The following LETM1 variants were observed in gnomAD, a reference collection of about 807,000 sequenced individuals.
LETM1 encodes mitochondrial proton/calcium exchanger protein.
LETM1 carries 50 observed loss-of-function variants against 74.5 expected under a neutral mutation model. The observed-to-expected ratio is 0.67, with a 90% CI of 0.53 to 0.85. The LOEUF (loss-of-function observed/expected upper bound fraction) is 0.85. Ranked by LOEUF, LETM1 falls within the 40% of genes least tolerant of loss-of-function variation. The pLI is 0.00. For missense variants in LETM1, 824 were observed against 967.8 expected, an observed-to-expected ratio of 0.85 and a Z score of 1.97; for synonymous variants, 446 against 407.1, an observed-to-expected ratio of 1.10 and a Z score of -1.15.
rs560933887 is a variant in LETM1, at chr4:1,841,637, A to G, written c.304T>C (p.Cys102Arg). Residue 102 changes from cysteine (C) to arginine (R), a missense_variant, in exon 3 of 14, where the codon TGC (cysteine) becomes CGC (arginine). Transcript: ENST00000302787. ...SVGFVAVGPQ[C>R]LPVRGWHSSR... ...GAGTGCCAGCCACGCACAGGAAGGC[A>G]CTGAGGTCCCACAGCCACAAAACCC... 6.2e-7 allele frequency: 1 copy of G among 1,614,180 alleles called. No individual in the cohort carries two copies. Among genetic ancestry groups the G allele is most frequent in the Admixed American group, 1.7e-5 (1 of 60,028 alleles).
At chr4:1,822,743 C>T (rs1711828069) in intron 9 of LETM1, 2 of 392,690 alleles carry the variant, frequency 5.1e-6, no homozygotes, top group South Asian at 2.8e-4. Flanking sequence ...CTAAGCTTGC[C>T]CCTCTGAGAC....
chr4:1,822,831 G>A (rs1560481091), intron 9 of LETM1, 157 bp downstream of exon 9: 1 of 663,624 alleles, frequency 1.5e-6, no homozygotes, highest in Non-Finnish European at 2.1e-6. Context: ...CTCACACCCG[G>A]GCACCCTGCC....
chr4:1,842,867 C>T (rs1198975198), intron 2 of LETM1: 5 of 195,784 alleles, frequency 2.6e-5, no homozygotes, highest in Non-Finnish European at 2.2e-5. Context: ...GGTGCCACAC[C>T]ACCATTTACA....
intron 3 of LETM1, among the ~76,000 whole-genome samples, chr4:1,838,256 C>T (rs558224500): frequency 1.4e-4 from 21 of 151,944 alleles, no homozygotes; most frequent in African/African-American, 4.3e-4. Context: ...CCCGCCACCA[C>T]GACCGGCTAA....
intron 5 of LETM1, 59 bp from the exon 6 acceptor site, chr4:1,833,006 C>T (rs1430962218): frequency 3.0e-5 from 44 of 1,475,088 alleles, no homozygotes; most frequent in Middle Eastern, 2.4e-4. Flanking sequence ...CTCCCTCCCA[C>T]GACCAACCAC....
At chr4:1,818,152 G>A (rs1711636549) in intron 11 of LETM1, among the ~76,000 whole-genome samples, 1 of 152,134 alleles carries the variant, frequency 6.6e-6, no homozygotes. Context: ...TGGGGAAGGC[G>A]AGGGGAGGGG....
chr4:1,854,284 G>A (rs1367540541), intron 1 of LETM1, among the ~76,000 whole-genome samples: 3 of 143,224 alleles, frequency 2.1e-5, no homozygotes, highest in African/African-American at 2.6e-5. Flanking sequence ...GTTCAAGACC[G>A]GCCTGACCAA....
chr4:1,828,303 G>T (rs1303047055), intron 6 of LETM1, among the ~76,000 whole-genome samples: 1 of 128,388 alleles, frequency 7.8e-6, no homozygotes, highest in African/African-American at 3.1e-5. Flanking sequence ...CCTCCCGGAC[G>T]GGGCGGCTGG....
chr4:1,828,356 G>C (rs1712095394), intron 6 of LETM1, among the ~76,000 whole-genome samples: 1 of 122,670 alleles, frequency 8.2e-6, no homozygotes, highest in Non-Finnish European at 1.7e-5. Flanking sequence ...TCCCGGACGG[G>C]GCGGCTGGCC....
intron 1 of LETM1, among the ~76,000 whole-genome samples, chr4:1,852,391 G>A (rs989733569): frequency 2.6e-5 from 4 of 152,148 alleles, no homozygotes; most frequent in Non-Finnish European, 5.9e-5. Context: ...CTAGGTGGAC[G>A]CCAGTGGGAA....
intron 6 of LETM1, among the ~76,000 whole-genome samples, chr4:1,828,886 ACGGGGCGGCTGG>A (rs1458284311): frequency 3.1e-5 from 3 of 96,330 alleles, no homozygotes; most frequent in Non-Finnish European, 6.2e-5. Context: ...TCCCTCCCGG[ACGGGGCGGCTGG>A]CCGGGCAGAG....
intron 6 of LETM1, among the ~76,000 whole-genome samples, chr4:1,827,619 C>G (rs1368636571): frequency 7.6e-6 from 1 of 130,816 alleles, no homozygotes; most frequent in Non-Finnish European, 1.6e-5. Context: ...GGTCACAGAT[C>G]AACAGGATCC....
chr4:1,840,334 G>A (rs1313779340), intron 3 of LETM1, among the ~76,000 whole-genome samples: 4 of 151,858 alleles, frequency 2.6e-5, no homozygotes, highest in African/African-American at 9.7e-5. Flanking sequence ...CCGAGATTGT[G>A]CCACTGCACT....
At chr4:1,825,723 C>T (rs1484397681) in intron 6 of LETM1, 40 bp from the exon 7 acceptor site, 2 of 1,574,400 alleles carry the variant, frequency 1.3e-6, no homozygotes, top group Non-Finnish European at 1.7e-6. Flanking sequence ...GGGACAGTTG[C>T]TGGTGGGTGA....
intron 1 of LETM1, among the ~76,000 whole-genome samples, chr4:1,849,546 G>C (rs1359877584): frequency 6.6e-6 from 1 of 152,142 alleles, no homozygotes. Flanking sequence ...GGGATTACAG[G>C]CATGAGCCAC....
chr4:1,841,887 A>T, intron 2 of LETM1, 90 bp from the exon 3 acceptor site: 1 of 911,322 alleles, frequency 1.1e-6, no homozygotes, highest in Non-Finnish European at 1.7e-6. Flanking sequence ...CAAAACCCAC[A>T]TGCCCCGTGC....
In LETM1 at chr4:1,814,233, G is replaced by A. The variant is rs556500677; in HGVS notation, c.*191C>T. 44 of 923,104 alleles carry A rather than the reference G, an allele frequency of 4.8e-5. 1 individual carries two copies. The East Asian group carries it at 1.1e-3, about 23-fold the overall frequency. 57.2% of individuals were successfully genotyped at this position (923,104 alleles called of 1,614,324 possible). On this transcript the variant is annotated 3_prime_UTR_variant, in exon 14 of 14. Coordinates refer to ENST00000302787, the MANE Select transcript of LETM1 (RefSeq NM_012318.3). ...GATCCAGACACGATTCTGTGGAGGGGTTCCGGGATTCCAGACAGACTGAAT... is the reference window on the plus strand; with the variant it reads ...GATCCAGACACGATTCTGTGGAGGGATTCCGGGATTCCAGACAGACTGAAT...
chr4:1,827,042 G>C (rs1034622658), intron 6 of LETM1, among the ~76,000 whole-genome samples: 1 of 152,174 alleles, frequency 6.6e-6, no homozygotes, highest in Non-Finnish European at 1.5e-5. Context: ...TGCAGAAGGC[G>C]CAGGGAGAGG....
At chr4:1,854,515 C>T (rs1411112446) in intron 1 of LETM1, among the ~76,000 whole-genome samples, 2 of 150,950 alleles carry the variant, frequency 1.3e-5, no homozygotes, top group African/African-American at 2.4e-5. Flanking sequence ...AATTGGGGGC[C>T]GGGCGCGGTG....
Sources: gnomAD v4.1 joint callset for allele counts (sites outside exome capture counted in the v4.1 genomes callset) on GRCh38, gnomAD v4.1.1 for gene constraint, MANE v1.5 for transcripts, NCBI Gene and HGNC (gene_info 2026-07-23, HGNC 2026-07-21) for gene names.